RABGEF1: variants seen among roughly 807,000 people sequenced by gnomAD.
RABGEF1 encodes the protein RAB guanine nucleotide exchange factor 1, also known as rab5 GDP/GTP exchange factor.
In RABGEF1, 26 loss-of-function variants were observed where a neutral mutation model predicts 57.3. That is an observed-to-expected ratio of 0.45 (90% CI 0.33 to 0.63). The LOEUF (loss-of-function observed/expected upper bound fraction) is 0.63, where lower values mean the gene tolerates loss of function less well. RABGEF1 is among the 20% of genes least tolerant of loss of function. The pLI, the probability that RABGEF1 is intolerant of heterozygous loss-of-function variation, is 0.02. For synonymous variants in RABGEF1, 185 were observed against 210.7 expected (o/e 0.88, Z 1.06); for missense variants, 464 against 607.6 (o/e 0.76, Z 2.48).
At chr7:66,668,729 G>A in the RABGEF1 span, 1 of 152,308 alleles carries the variant, frequency 6.6e-6, no homozygotes, top group African/African-American at 2.4e-5. Flanking sequence ...GGCTTGCGTG[G>A]GATGGGCCTT....
chr7:66,780,031 C>A lies in RABGEF1; in HGVS notation c.347-3644C>A, dbSNP rs574067629. Among the ~76,000 whole-genome samples, 5 of 152,248 alleles carry A rather than the reference C, an allele frequency of 3.3e-5. No individual in the cohort carries two copies. The East Asian group carries it at 9.6e-4, about 29-fold the overall frequency. On this transcript the variant is annotated intron_variant, in intron 3 of 8. Coordinates refer to ENST00000284957, the MANE Select transcript of RABGEF1 (RefSeq NM_014504.3). ...AGCTAGTAGAGTTAATCCTCATTTA[C>A]ATTTTAAAAGGGTTTTTTTTGTTTT...
rs1473436113 is a variant in RABGEF1, at chr7:66,797,572, A to G, written c.728+66A>G. Reference sequence around the variant, plus strand: ...TAATGGAAGAACACACTGGGGGGAAAATAATGCACCTGTGTTTCAAACCTT... The same window carrying G: ...TAATGGAAGAACACACTGGGGGGAAGATAATGCACCTGTGTTTCAAACCTT... On this transcript the variant is annotated intron_variant, in intron 6 of 8. Transcript: ENST00000284957. The G allele has an allele frequency of 3.3e-6, 5 of 1,528,712 alleles. No individual in the cohort carries two copies. The African/African-American group carries it at 5.6e-5, about 17-fold the overall frequency. The allele number at this position is 1,528,712 out of a possible 1,614,324, so 94.7% of individuals were successfully genotyped here.
intron 2 of RABGEF1, among the ~76,000 whole-genome samples, chr7:66,722,034 C>A (rs1796108549): frequency 6.6e-6 from 1 of 152,024 alleles, no homozygotes; most frequent in African/African-American, 2.4e-5. Context: ...TAGCACATGC[C>A]AATATACCTG....
intron 1 of RABGEF1, among the ~76,000 whole-genome samples, chr7:66,690,527 C>A (rs902956739): frequency 2.0e-5 from 3 of 151,004 alleles, no homozygotes; most frequent in African/African-American, 7.3e-5. Flanking sequence ...CCAGCCTGGG[C>A]AACATAGTGA....
chr7:66,677,219 A>C (rs1446972645), upstream of RABGEF1, among the ~76,000 whole-genome samples: 3 of 152,200 alleles, frequency 2.0e-5, no homozygotes, highest in African/African-American at 7.2e-5. Context: ...AAGAAATCTA[A>C]CAAACTAGGA....
chr7:66,735,565 T>C (rs1037121887), intron 2 of RABGEF1, among the ~76,000 whole-genome samples: 1 of 152,168 alleles, frequency 6.6e-6, no homozygotes. Context: ...AAGTTGGAGG[T>C]GAGGCCTGGT....
chr7:66,801,272 A>G (rs1023637451), intron 7 of RABGEF1, among the ~76,000 whole-genome samples: 2 of 152,102 alleles, frequency 1.3e-5, no homozygotes, highest in South Asian at 2.1e-4. Context: ...TGTACATAAT[A>G]GGTGTATTTA....
intron 1 of RABGEF1, among the ~76,000 whole-genome samples, chr7:66,690,285 G>A (rs1265228610): frequency 6.0e-5 from 9 of 151,052 alleles, no homozygotes; most frequent in African/African-American, 2.2e-4. Flanking sequence ...ATTTTTAGTA[G>A]AGATGGGGTT....
At chr7:66,686,004 T>A (rs922339009) in intron 1 of RABGEF1, among the ~76,000 whole-genome samples, 3 of 151,874 alleles carry the variant, frequency 2.0e-5, no homozygotes, top group African/African-American at 7.3e-5. Flanking sequence ...ATAGGCCAGG[T>A]GCGGTGGCTC....
upstream of RABGEF1, among the ~76,000 whole-genome samples, chr7:66,739,284 G>A (rs78989722): frequency 0.039 from 5,991 of 151,920 alleles, 165 homozygotes; most frequent in East Asian, 0.085. Flanking sequence ...TACCCTCAGC[G>A]TAGCACACAT....
intron 4 of RABGEF1, among the ~76,000 whole-genome samples, chr7:66,784,559 T>C (rs536170743): frequency 8.3e-4 from 126 of 152,360 alleles, no homozygotes; most frequent in African/African-American, 2.6e-3. Flanking sequence ...GAATTAGCTC[T>C]GAAAGTTCCT....
intron 4 of RABGEF1, among the ~76,000 whole-genome samples, chr7:66,786,325 A>G (rs1262915107): frequency 1.3e-5 from 2 of 152,254 alleles, no homozygotes; most frequent in Admixed American, 1.3e-4. Flanking sequence ...TTCAGCACCT[A>G]CGTAATTTTC....
chr7:66,763,812 C>T (rs1805038104), intron 1 of RABGEF1, among the ~76,000 whole-genome samples: 1 of 152,246 alleles, frequency 6.6e-6, no homozygotes, highest in South Asian at 2.1e-4. Context: ...TATATCAGCA[C>T]TTCATTCCTT....
intron 6 of RABGEF1, 128 bp downstream of exon 6, chr7:66,797,634 A>G: frequency 2.0e-6 from 2 of 1,013,652 alleles, no homozygotes; most frequent in Non-Finnish European, 2.9e-6. Context: ...GCTTCCTTAG[A>G]GTGGAAGCAG....
At chr7:66,668,131 T>C in the RABGEF1 span, among the ~76,000 whole-genome samples, 2 of 152,280 alleles carry the variant, frequency 1.3e-5, no homozygotes, top group East Asian at 3.9e-4. Context: ...AGGGTTTTGC[T>C]CTGTCACCCA....
At chr7:66,672,224 C>G in the RABGEF1 span, among the ~76,000 whole-genome samples, 2 of 150,548 alleles carry the variant, frequency 1.3e-5, no homozygotes, top group African/African-American at 4.9e-5. Context: ...AGATTGAGAC[C>G]ATCCTGGCTA....
At chr7:66,670,508 A>ACACTGGC in the RABGEF1 span, among the ~76,000 whole-genome samples, 1 of 145,190 alleles carries the variant, frequency 6.9e-6, no homozygotes. Context: ...CAAATAACAC[A>ACACTGGC]CACTGGCTGG....
chr7:66,722,400 A>G (rs1255926659), intron 2 of RABGEF1, among the ~76,000 whole-genome samples: 2 of 152,266 alleles, frequency 1.3e-5, no homozygotes, highest in African/African-American at 4.8e-5. Context: ...AGATTGTGCC[A>G]TTGCACGCCA....
At chr7:66,713,946 A>T (rs1268272133) in intron 2 of RABGEF1, among the ~76,000 whole-genome samples, 1 of 152,088 alleles carries the variant, frequency 6.6e-6, no homozygotes, top group East Asian at 1.9e-4. Flanking sequence ...TTACTGTTTT[A>T]TATATTGGTG....
Sources: gnomAD v4.1 joint callset for allele counts (sites outside exome capture counted in the v4.1 genomes callset) on GRCh38, gnomAD v4.1.1 for gene constraint, MANE v1.5 for transcripts, NCBI Gene and HGNC (gene_info 2026-07-23, HGNC 2026-07-21) for gene names.